PDE4B: variants seen among roughly 807,000 people sequenced by gnomAD.
The protein encoded by PDE4B is 3',5'-cyclic-AMP phosphodiesterase 4B.
PDE4B carries 20 observed loss-of-function variants against 82.2 expected under a neutral mutation model. That is an observed-to-expected ratio of 0.24 (90% CI 0.17 to 0.35). The LOEUF is 0.35. Ranked by LOEUF, PDE4B falls within the 10% of genes least tolerant of loss-of-function variation. The probability of loss-of-function intolerance (pLI) is 1.00; values close to 1 mark genes in which losing one functional copy is unlikely to be tolerated. For missense variants in PDE4B, 655 were observed against 907.2 expected (o/e 0.72, Z 3.57); for synonymous variants, 320 against 318.9 (o/e 1.00, Z -0.04).
intron 1 of PDE4B, among the ~76,000 whole-genome samples, chr1:65,865,883 T>C (rs1004586767): frequency 1.3e-5 from 2 of 152,114 alleles, no homozygotes; most frequent in Non-Finnish European, 2.9e-5. Context: ...TTTCTCTCTG[T>C]CTCCCTCTCT....
chr1:66,014,483 A>T (rs1489851836), intron 3 of PDE4B, among the ~76,000 whole-genome samples: 1 of 152,086 alleles, frequency 6.6e-6, no homozygotes, highest in African/African-American at 2.4e-5. Context: ...GTAAGATTAG[A>T]GTCCAACTGC....
At chr1:65,860,949 C>T (rs1399538032) in intron 1 of PDE4B, among the ~76,000 whole-genome samples, 1 of 151,918 alleles carries the variant, frequency 6.6e-6, no homozygotes, top group Non-Finnish European at 1.5e-5. Context: ...GGATCTTAGC[C>T]CTTTGTCAGA....
At chr1:66,155,075 G>A (rs1646476105) in intron 3 of PDE4B, among the ~76,000 whole-genome samples, 1 of 152,108 alleles carries the variant, frequency 6.6e-6, no homozygotes, top group African/African-American at 2.4e-5. Flanking sequence ...TCTGCAGTGA[G>A]CTCTGATCCT....
chr1:66,277,651 C>T (rs2101769159), intron 7 of PDE4B, among the ~76,000 whole-genome samples: 1 of 152,326 alleles, frequency 6.6e-6, no homozygotes, highest in Non-Finnish European at 1.5e-5. Context: ...GCCTCGGCCT[C>T]CCAAAGTGCT....
intron 3 of PDE4B, among the ~76,000 whole-genome samples, chr1:66,047,199 A>G (rs1654764259): frequency 6.6e-6 from 1 of 151,760 alleles, no homozygotes; most frequent in Non-Finnish European, 1.5e-5. Context: ...TTAATGCAGG[A>G]ACCATGGAGT....
intron 3 of PDE4B, among the ~76,000 whole-genome samples, chr1:65,967,352 T>A (rs1325902806): frequency 6.6e-6 from 1 of 152,170 alleles, no homozygotes; most frequent in African/African-American, 2.4e-5. Flanking sequence ...CTCACACCAG[T>A]TAGAATGGCA....
At chr1:66,279,865 A>T (rs1162858762) in intron 7 of PDE4B, among the ~76,000 whole-genome samples, 1 of 152,170 alleles carries the variant, frequency 6.6e-6, no homozygotes, top group East Asian at 1.9e-4. Context: ...GCCCACCAAC[A>T]TCATCGGGGG....
chr1:66,113,573 C>G (rs1302011039), intron 3 of PDE4B, among the ~76,000 whole-genome samples: 1 of 152,110 alleles, frequency 6.6e-6, no homozygotes, highest in Non-Finnish European at 1.5e-5. Flanking sequence ...GAAAATCAGA[C>G]AGCTGATTAT....
chr1:66,229,984 G>A (rs1651816480), intron 3 of PDE4B, among the ~76,000 whole-genome samples: 1 of 152,156 alleles, frequency 6.6e-6, no homozygotes, highest in Non-Finnish European at 1.5e-5. Flanking sequence ...TTACTACCAA[G>A]TATTACAGAT....
intron 3 of PDE4B, among the ~76,000 whole-genome samples, chr1:65,945,415 C>A (rs1367144237): frequency 6.6e-6 from 1 of 151,938 alleles, no homozygotes; most frequent in Non-Finnish European, 1.5e-5. Context: ...AGTGAACTGG[C>A]TGAGACACTG....
chr1:65,907,720 T>C (rs1009564819), intron 1 of PDE4B, among the ~76,000 whole-genome samples: 5 of 152,174 alleles, frequency 3.3e-5, no homozygotes, highest in African/African-American at 1.2e-4. Flanking sequence ...TTACGTAGAA[T>C]TGCCAATTTT....
At chr1:66,002,551 T>A (rs988383847) in intron 3 of PDE4B, among the ~76,000 whole-genome samples, 1 of 151,846 alleles carries the variant, frequency 6.6e-6, no homozygotes, top group Non-Finnish European at 1.5e-5. Flanking sequence ...AGAAGGAAGT[T>A]TTTTTAAAAA....
intron 3 of PDE4B, among the ~76,000 whole-genome samples, chr1:66,064,178 G>A (rs1179302870): frequency 6.6e-6 from 1 of 151,942 alleles, no homozygotes; most frequent in Non-Finnish European, 1.5e-5. Flanking sequence ...AGCAAAAATA[G>A]AATTTGCTTC....
chr1:65,991,132 C>CA (rs1651219766), intron 3 of PDE4B, among the ~76,000 whole-genome samples: 1 of 151,484 alleles, frequency 6.6e-6, no homozygotes, highest in Non-Finnish European at 1.5e-5. Context: ...GGCTGGAGTG[C>CA]AGTGGCGTGA....
intron 1 of PDE4B, among the ~76,000 whole-genome samples, chr1:65,864,679 G>T (rs1646491188): frequency 6.6e-6 from 1 of 152,160 alleles, no homozygotes; most frequent in African/African-American, 2.4e-5. Context: ...GTTCACCTGG[G>T]TATTACCAGT....
intron 3 of PDE4B, among the ~76,000 whole-genome samples, chr1:66,054,967 T>C (rs1655222027): frequency 6.6e-6 from 1 of 152,210 alleles, no homozygotes; most frequent in Non-Finnish European, 1.5e-5. Context: ...CAGTGTAAAC[T>C]AGTGTTGTCA....
At position 66,295,380 on chromosome 1, in the gene PDE4B, G is replaced by A. The variant is rs77545566; in HGVS notation, c.634+29293G>A. ...AATAATACTTACCTTTACTATATAT[G>A]CTTTACTTGATATTTTCTATTCTAT... is the stretch of plus-strand genomic sequence containing the variant. On this transcript the variant is annotated intron_variant, in intron 7 of 16. Coordinates refer to ENST00000341517, the MANE Select transcript of PDE4B (RefSeq NM_002600.4). Among the ~76,000 whole-genome samples, 1,118 of 152,066 alleles carry A rather than the reference G, an allele frequency of 7.4e-3. 41 individuals carry two copies. In the East Asian group the frequency reaches 0.11, roughly 15 times the overall value.
intron 8 of PDE4B, among the ~76,000 whole-genome samples, chr1:66,336,861 AG>A (rs1351546809): frequency 6.6e-6 from 1 of 152,218 alleles, no homozygotes; most frequent in Non-Finnish European, 1.5e-5. Flanking sequence ...TGGAGCACAA[AG>A]GCAACTAATT....
At chr1:66,336,755 C>G (rs1053755310) in intron 8 of PDE4B, among the ~76,000 whole-genome samples, 1 of 152,126 alleles carries the variant, frequency 6.6e-6, no homozygotes, top group African/African-American at 2.4e-5. Context: ...ATTGTGAAGT[C>G]GGCTACAGAT....
Sources: gnomAD v4.1 joint callset for allele counts (sites outside exome capture counted in the v4.1 genomes callset) on GRCh38, gnomAD v4.1.1 for gene constraint, MANE v1.5 for transcripts, NCBI Gene and HGNC (gene_info 2026-07-23, HGNC 2026-07-21) for gene names.